CATSPERT: variants seen among roughly 807,000 people sequenced by gnomAD.
CATSPERT encodes the protein catsper channel auxiliary subunit tau.
At chr2:201,574,329 A>G in the CATSPERT span, 11 of 1,414,636 alleles carry the variant, frequency 7.8e-6, no homozygotes, top group African/African-American at 1.5e-5. Flanking sequence ...TTTAATGGAG[A>G]AGGGACAAAA....
chr2:201,618,839 C>T, the CATSPERT span: 42 of 1,528,628 alleles, frequency 2.7e-5, no homozygotes, highest in Non-Finnish European at 3.8e-5. Context: ...CCTTTCACCA[C>T]CCTCCAGGTG....
chr2:201,487,757 G>A, the CATSPERT span: 24,569 of 1,613,996 alleles, frequency 0.015, 232 homozygotes, highest in Non-Finnish European at 0.018. Flanking sequence ...GTTAACCTCC[G>A]GAGCAGTATA....
At chr2:201,550,199 T>A in the CATSPERT span, 10 of 152,336 alleles carry the variant, frequency 6.6e-5, no homozygotes, top group African/African-American at 2.4e-4. Context: ...ACCAGGCCTA[T>A]ACTATGGACA....
the CATSPERT span, among the ~76,000 whole-genome samples, chr2:201,606,184 T>A: frequency 6.6e-6 from 1 of 152,222 alleles, no homozygotes; most frequent in Non-Finnish European, 1.5e-5. Context: ...AAAATCTGTA[T>A]GTGGATAGGA....
the CATSPERT span, chr2:201,551,184 T>C: frequency 6.6e-6 from 1 of 152,152 alleles, no homozygotes; most frequent in African/African-American, 2.4e-5. Flanking sequence ...CCTAGAAATA[T>C]TTTTTTAAAA....
the CATSPERT span, among the ~76,000 whole-genome samples, chr2:201,618,524 C>T: frequency 7.5e-6 from 1 of 133,382 alleles, no homozygotes; most frequent in Non-Finnish European, 1.5e-5. Flanking sequence ...AATACTTGGA[C>T]ACGGGGGGGG....
At chr2:201,492,428 A>G in the CATSPERT span, 1 of 1,532,092 alleles carries the variant, frequency 6.5e-7, no homozygotes, top group Non-Finnish European at 8.7e-7. Flanking sequence ...GCTATCAGAT[A>G]GTTTTGTAGA....
the CATSPERT span, among the ~76,000 whole-genome samples, chr2:201,563,465 G>C: frequency 1.6e-4 from 1 of 6,378 alleles, no homozygotes; most frequent in Non-Finnish European, 3.9e-4. Context: ...CGGGCGGGGG[G>C]CTGACCCCCC....
the CATSPERT span, among the ~76,000 whole-genome samples, chr2:201,571,491 T>C: frequency 8.5e-5 from 13 of 152,338 alleles, no homozygotes; most frequent in East Asian, 3.9e-4. Context: ...TGTTTTACCA[T>C]AGACTTTTTA....
At chr2:201,611,628 G>C in the CATSPERT span, among the ~76,000 whole-genome samples, 2 of 151,320 alleles carry the variant, frequency 1.3e-5, no homozygotes, top group Non-Finnish European at 2.9e-5. Flanking sequence ...AAATAAAATA[G>C]AGAACAGAAA....
chr2:201,606,376 A>G, the CATSPERT span, among the ~76,000 whole-genome samples: 2 of 152,242 alleles, frequency 1.3e-5, no homozygotes, highest in Non-Finnish European at 2.9e-5. Flanking sequence ...GCAACTGCAG[A>G]GCTGTATTTT....
the CATSPERT span, among the ~76,000 whole-genome samples, chr2:201,551,607 TGTGA>T: frequency 6.6e-6 from 1 of 152,236 alleles, no homozygotes; most frequent in African/African-American, 2.4e-5. Flanking sequence ...GCTCAGGCAT[TGTGA>T]GTATTCACTT....
the CATSPERT span, among the ~76,000 whole-genome samples, chr2:201,530,387 T>C: frequency 2.6e-5 from 4 of 152,196 alleles, no homozygotes; most frequent in Admixed American, 1.3e-4. Flanking sequence ...AAAGAAAATA[T>C]AGTATATGTA....
At chr2:201,561,820 G>A in the CATSPERT span, among the ~76,000 whole-genome samples, 1 of 151,408 alleles carries the variant, frequency 6.6e-6, no homozygotes, top group Non-Finnish European at 1.5e-5. Flanking sequence ...GTTGCAGTGA[G>A]CCAAGATCAC....
chr2:201,492,175 C>T, the CATSPERT span: 2 of 1,523,574 alleles, frequency 1.3e-6, no homozygotes, highest in South Asian at 2.5e-5. Context: ...TTGAACAATT[C>T]TTGAATATTT....
the CATSPERT span, among the ~76,000 whole-genome samples, chr2:201,615,833 GA>G: frequency 6.6e-6 from 1 of 152,132 alleles, no homozygotes; most frequent in South Asian, 2.1e-4. Flanking sequence ...GAAGAAAAGA[GA>G]GAAGAATCAA....
the CATSPERT span, chr2:201,491,886 C>A: frequency 1.6e-5 from 25 of 1,536,718 alleles, no homozygotes; most frequent in Non-Finnish European, 2.2e-5. Flanking sequence ...GAGGAAGCTG[C>A]GTGAATACAT....
At chr2:201,600,237 C>A in the CATSPERT span, among the ~76,000 whole-genome samples, 1 of 152,160 alleles carries the variant, frequency 6.6e-6, no homozygotes, top group Non-Finnish European at 1.5e-5. Context: ...ACATATACAC[C>A]ATGGAATACT....
At chr2:201,581,548 G>GTGTATATATA in the CATSPERT span, among the ~76,000 whole-genome samples, 4 of 9,656 alleles carry the variant, frequency 4.1e-4, no homozygotes, top group Admixed American at 2.1e-3. Flanking sequence ...AAAAATGTGT[G>GTGTATATATA]TATATATATA....
Sources: allele counts gnomAD v4.1 joint callset (sites outside exome capture counted in the v4.1 genomes callset), GRCh38; gene constraint gnomAD v4.1.1; transcripts MANE v1.5; gene names NCBI Gene and HGNC (gene_info 2026-07-23, HGNC 2026-07-21).